PTPRA: variants seen among roughly 807,000 people sequenced by gnomAD.
The protein encoded by PTPRA is protein tyrosine phosphatase receptor type A.
PTPRA carries 25 observed loss-of-function variants against 104.8 expected under a neutral mutation model. The ratio of observed to expected loss-of-function variants is 0.24; its 90% CI spans 0.17 to 0.33. The LOEUF is 0.33. Ranked by LOEUF, PTPRA falls within the 10% of genes least tolerant of loss-of-function variation. The probability of loss-of-function intolerance (pLI) is 1.00; values close to 1 mark genes in which losing one functional copy is unlikely to be tolerated. For missense variants in PTPRA, 765 were observed against 1,015.3 expected, an observed-to-expected ratio of 0.75 and a Z score of 3.35; for synonymous variants, 323 against 368.9, an observed-to-expected ratio of 0.88 and a Z score of 1.43.
chr20:2,961,711 C>A (rs2061760967), intron 3 of PTPRA, among the ~76,000 whole-genome samples: 1 of 152,156 alleles, frequency 6.6e-6, no homozygotes, highest in South Asian at 2.1e-4. Flanking sequence ...TCTAGATTTT[C>A]TCCTGTTATC....
At chr20:2,982,752 A>G (rs1389853912) in intron 6 of PTPRA, among the ~76,000 whole-genome samples, 1 of 151,494 alleles carries the variant, frequency 6.6e-6, no homozygotes, top group Non-Finnish European at 1.5e-5. Context: ...GCTGAAGTGC[A>G]GTGGCGCAAT....
At chr20:3,014,083 C>G (rs1419926921) in intron 11 of PTPRA, among the ~76,000 whole-genome samples, 2 of 152,192 alleles carry the variant, frequency 1.3e-5, no homozygotes, top group African/African-American at 4.8e-5. Flanking sequence ...ATATGATGCG[C>G]TTAACGTATT....
chr20:2,994,062 G>A (rs778062873), intron 9 of PTPRA, among the ~76,000 whole-genome samples: 4 of 152,194 alleles, frequency 2.6e-5, no homozygotes, highest in Admixed American at 1.3e-4. Flanking sequence ...ATATCTTAGC[G>A]ACATTCTGAG....
chr20:2,897,463 C>T (rs984722556), intron 1 of PTPRA, among the ~76,000 whole-genome samples: 3 of 147,412 alleles, frequency 2.0e-5, no homozygotes, highest in African/African-American at 7.6e-5. Flanking sequence ...TCTCGTCTCA[C>T]TGCAACCTCT....
intron 3 of PTPRA, among the ~76,000 whole-genome samples, chr20:2,949,658 C>CT (rs2061286640): frequency 6.6e-6 from 1 of 151,204 alleles, no homozygotes; most frequent in African/African-American, 2.4e-5. Context: ...TAGTAGATTA[C>CT]TTTATTTCTG....
intron 17 of PTPRA, among the ~76,000 whole-genome samples, chr20:3,025,377 C>G (rs890332094): frequency 1.3e-5 from 2 of 150,426 alleles, no homozygotes; most frequent in Admixed American, 6.7e-5. Context: ...TGCTTGAACC[C>G]GGAAGGCAGA....
the PTPRA span, chr20:2,864,696 G>A: frequency 6.3e-7 from 1 of 1,598,268 alleles, no homozygotes; most frequent in Non-Finnish European, 8.6e-7. This position sits in a 1 kb window ranked among gnomAD's most constrained non-coding sequence, Gnocchi z 5.2. Context: ...GGGGCATGTG[G>A]GCTGGGGCTG....
At chr20:2,922,691 G>A (rs1261885641) in intron 1 of PTPRA, among the ~76,000 whole-genome samples, 1 of 151,238 alleles carries the variant, frequency 6.6e-6, no homozygotes, top group East Asian at 1.9e-4. Context: ...GAGCTGGAGT[G>A]CAGTGGCGCG....
intron 11 of PTPRA, among the ~76,000 whole-genome samples, chr20:3,013,440 G>A (rs1320566902): frequency 1.3e-5 from 2 of 149,272 alleles, no homozygotes; most frequent in East Asian, 1.9e-4. Flanking sequence ...TTTTTGAGAC[G>A]GAATTTCACT....
chr20:2,943,524 G>A (rs2061008169), intron 2 of PTPRA, among the ~76,000 whole-genome samples: 1 of 152,034 alleles, frequency 6.6e-6, no homozygotes, highest in African/African-American at 2.4e-5. Context: ...TGATTTAAAT[G>A]TAAATCTCAT....
At chr20:2,987,933 C>A in intron 7 of PTPRA, 99 bp from the exon 8 acceptor site, 1 of 1,159,354 alleles carries the variant, frequency 8.6e-7, no homozygotes, top group Non-Finnish European at 1.3e-6. Context: ...TTTTTAAAGG[C>A]GATTTAGAAA....
chr20:2,872,552 C>T (rs1227422378), upstream of PTPRA, among the ~76,000 whole-genome samples: 1 of 152,258 alleles, frequency 6.6e-6, no homozygotes, highest in Non-Finnish European at 1.5e-5. The surrounding 1 kb of genome is among the most constrained non-coding windows in gnomAD (Gnocchi z 7.9). Flanking sequence ...TACTGGGGAT[C>T]ACAACCCGGC....
intron 2 of PTPRA, among the ~76,000 whole-genome samples, chr20:2,930,391 A>T (rs1376376044): frequency 1.3e-5 from 2 of 152,208 alleles, no homozygotes; most frequent in African/African-American, 4.8e-5. Context: ...TTTGACTTTA[A>T]CAGAGAGTGA....
intron 6 of PTPRA, among the ~76,000 whole-genome samples, chr20:2,985,438 G>A (rs1436710864): frequency 6.6e-6 from 1 of 152,218 alleles, no homozygotes; most frequent in Non-Finnish European, 1.5e-5. Flanking sequence ...TGACAGGATG[G>A]AAGAGACTTG....
chr20:2,866,138 G>A, the PTPRA span: 11 of 1,327,776 alleles, frequency 8.3e-6, no homozygotes, highest in African/African-American at 4.3e-5. Context: ...TATGCATTGC[G>A]CCTCTGCTCG....
chr20:2,867,923 C>T, the PTPRA span, among the ~76,000 whole-genome samples: 110 of 152,340 alleles, frequency 7.2e-4, no homozygotes, highest in Non-Finnish European at 4.0e-4. Flanking sequence ...AAATAACTAT[C>T]ATGCTCGCCA....
rs1382201144 is a variant in PTPRA at position 3,038,112 on chromosome 20, A to T, written c.2388A>T (p.Ser796=). 4 of 1,612,560 alleles carry T rather than the reference A, an allele frequency of 2.5e-6. No individual in the cohort carries two copies. The highest frequency in any genetic ancestry group is 3.4e-6 in the Non-Finnish European group (4 of 1,178,508). Residue 796 remains serine (S), a synonymous_variant, in exon 24 of 24, where the codon TCA becomes TCT. Coordinates refer to ENST00000399903, the MANE Select transcript of PTPRA (RefSeq NM_001385305.1). ...TGCAGGAGTATATTGATGCATTCTC[A>T]GATTATGCCAACTTCAAGTAAGCGG... The part of the protein sequence containing the change: ...KVVQEYIDAF[S]DYANFK
intron 2 of PTPRA, among the ~76,000 whole-genome samples, chr20:2,925,614 G>C (rs1266727828): frequency 6.6e-6 from 1 of 152,150 alleles, no homozygotes; most frequent in African/African-American, 2.4e-5. Flanking sequence ...AGGAGTTCAA[G>C]ACCAGCTTGG....
rs149183106 is a variant in PTPRA, at chr20:2,944,327, C to T, written c.-49-3655C>T. Among the ~76,000 whole-genome samples the T allele has an allele frequency of 8.1e-4, 123 of 152,296 alleles. 1 individual carries two copies. Among genetic ancestry groups the T allele is most frequent in the African/African-American group, 2.9e-3 (119 of 41,564 alleles). The stretch of plus-strand genomic sequence containing the variant: ...AAAGTGCTGGGATTACAGGCGTGAG[C>T]CACCATGCCTGGCCCCTCTGCTGGT... On this transcript the variant is annotated intron_variant, in intron 2 of 23. Coordinates refer to ENST00000399903, the MANE Select transcript of PTPRA (RefSeq NM_001385305.1).
Sources: gnomAD v4.1 joint callset for allele counts (sites outside exome capture counted in the v4.1 genomes callset) on GRCh38, gnomAD v4.1.1 for gene constraint, Gnocchi (gnomAD v3.1) non-coding constraint, MANE v1.5 for transcripts, NCBI Gene and HGNC (gene_info 2026-07-23, HGNC 2026-07-21) for gene names.